The following RNF128 variants were observed in gnomAD, a reference collection of about 807,000 sequenced individuals.
RNF128 encodes the protein E3 ubiquitin-protein ligase RNF128.
In RNF128, 13 loss-of-function variants were observed where a neutral mutation model predicts 26.2. The observed-to-expected ratio is 0.50, with a 90% CI of 0.32 to 0.79. The LOEUF is 0.79. RNF128 is among the 30% of genes least tolerant of loss of function. The probability of loss-of-function intolerance (pLI) is 0.03; values close to 1 mark genes in which losing one functional copy is unlikely to be tolerated. For synonymous variants in RNF128, 149 were observed against 142.5 expected, an observed-to-expected ratio of 1.05 and a Z score of -0.32; for missense variants, 315 against 349.7, an observed-to-expected ratio of 0.90 and a Z score of 0.79.
chrX:106,764,247 G>T (rs1273823944), intron 1 of RNF128, among the ~76,000 whole-genome samples: 1 of 109,613 alleles, frequency 9.1e-6, no homozygotes, highest in Non-Finnish European at 1.9e-5. Context: ...TTACAGGCGT[G>T]AGCCACCACG....
At chrX:106,748,271 C>T (rs1157671554) in intron 1 of RNF128, among the ~76,000 whole-genome samples, 1 of 112,045 alleles carries the variant, frequency 8.9e-6, no homozygotes, top group Non-Finnish European at 1.9e-5. Context: ...GAGAAAAAAA[C>T]ATAATTTTAC....
At chrX:106,735,101 A>G (rs1244842694) in intron 1 of RNF128, among the ~76,000 whole-genome samples, 1 of 111,554 alleles carries the variant, frequency 9.0e-6, no homozygotes, top group Non-Finnish European at 1.9e-5. Context: ...GCACCATAGC[A>G]CGTAGTTACT....
At chrX:106,696,545 G>C (rs1928876287) in intron 1 of RNF128, among the ~76,000 whole-genome samples, 1 of 110,895 alleles carries the variant, frequency 9.0e-6, no homozygotes, top group Admixed American at 9.7e-5. Context: ...CAGAGGATGG[G>C]GGAAATCCTC....
chrX:106,762,277 C>G (rs1051778018), intron 1 of RNF128, among the ~76,000 whole-genome samples: 20 of 110,567 alleles, frequency 1.8e-4, no homozygotes, highest in African/African-American at 6.6e-4. Context: ...CCTGTACCCT[C>G]CCCAGCCCCT....
chrX:106,711,952 A>C (rs184445231), intron 1 of RNF128, among the ~76,000 whole-genome samples: 1 of 112,413 alleles, frequency 8.9e-6, no homozygotes, highest in African/African-American at 3.2e-5. Flanking sequence ...CAGAATGAAT[A>C]AGATCAGTAA....
chrX:106,757,756 AC>A (rs1407115688), intron 1 of RNF128, among the ~76,000 whole-genome samples: 3 of 111,416 alleles, frequency 2.7e-5, no homozygotes, highest in Non-Finnish European at 5.7e-5. Flanking sequence ...TTTAAAAAAA[AC>A]CCTAAAAAAT....
At chrX:106,787,735 T>C (rs188952234) in intron 3 of RNF128, among the ~76,000 whole-genome samples, 183 bp from the exon 4 acceptor site, 1 of 111,415 alleles carries the variant, frequency 9.0e-6, no homozygotes, top group East Asian at 2.8e-4. Context: ...TTTTACCTTT[T>C]TAAAGTCTGG....
intron 1 of RNF128, among the ~76,000 whole-genome samples, chrX:106,695,132 T>C (rs1184615635): frequency 9.0e-6 from 1 of 111,406 alleles, no homozygotes; most frequent in Non-Finnish European, 1.9e-5. Context: ...AAAAACAGTT[T>C]CCAAGTAAAT....
chrX:106,750,764 G>A (rs1288221334), intron 1 of RNF128, among the ~76,000 whole-genome samples: 1 of 111,370 alleles, frequency 9.0e-6, no homozygotes, highest in African/African-American at 3.3e-5. Context: ...GAGGAGAGAT[G>A]CTGCTAGAAG....
chrX:106,731,787 A>T (rs1235945293), intron 1 of RNF128, among the ~76,000 whole-genome samples: 1 of 111,526 alleles, frequency 9.0e-6, no homozygotes, highest in East Asian at 2.8e-4. Flanking sequence ...CACTTTAAAC[A>T]TTCTCACATA....
intron 1 of RNF128, among the ~76,000 whole-genome samples, chrX:106,728,238 G>A (rs1012533521): frequency 1.8e-5 from 2 of 111,170 alleles, no homozygotes; most frequent in South Asian, 7.6e-4. Context: ...AAGGACAAAG[G>A]GGAAAAAAAT....
At chrX:106,792,977 T>C (rs1930853781) in intron 6 of RNF128, among the ~76,000 whole-genome samples, 1 of 112,110 alleles carries the variant, frequency 8.9e-6, no homozygotes, top group African/African-American at 3.2e-5. Flanking sequence ...CTTATGGTGA[T>C]AGTTGATTTG....
At position 106,706,246 on chromosome X, in the gene RNF128, T is replaced by C. The variant is rs555538101; in HGVS notation, c.406+11838T>C. On this transcript the variant is annotated intron_variant, in intron 1 of 6. Transcript: ENST00000324342. ...TCTCTTAGGGAGAGCAAGTTCTGGC[T>C]GACAATTGGATTTTCCAAATTGGGA... Among the ~76,000 whole-genome samples, 9 of 111,756 alleles carry C rather than the reference T, an allele frequency of 8.1e-5. No individual in the cohort carries two copies. The South Asian group carries it at 3.4e-3, about 43-fold the overall frequency.
Position 106,788,427 on chromosome X carries a change from TATATATA to T in RNF128, c.887+432_887+438del, listed in dbSNP as rs1386792513. Among the ~76,000 whole-genome samples the T allele has an allele frequency of 9.1e-5, 4 of 43,952 alleles. 1 individual carries two copies. The highest frequency in any genetic ancestry group is 0.059 in the Middle Eastern group (2 of 34). The allele number at this position is 43,952 out of a possible 115,157, so 38.2% of individuals were successfully genotyped here. A position where few individuals can be genotyped will look rare whatever the true frequency, so the allele number is the denominator to read the frequency against. On this transcript the variant is annotated intron_variant, in intron 4 of 6. Coordinates refer to ENST00000255499, the MANE Select transcript of RNF128 (RefSeq NM_194463.2). ...ATAATATATAATATATAATATATAT[TATATATA>T]ATATTATTATAATTATAATATATAT...
intron 1 of RNF128, among the ~76,000 whole-genome samples, chrX:106,748,351 G>T (rs1476363291): frequency 8.9e-6 from 1 of 112,190 alleles, no homozygotes; most frequent in African/African-American, 3.2e-5. Context: ...AACAAAATTT[G>T]CTGATAAGCA....
At chrX:106,731,656 C>A (rs1929504793) in intron 1 of RNF128, among the ~76,000 whole-genome samples, 1 of 111,044 alleles carries the variant, frequency 9.0e-6, no homozygotes. Flanking sequence ...GTCTTCCTTC[C>A]TTGCCTCTCT....
Position 106,743,301 on chromosome X carries a change from C to T in RNF128, c.484+15904C>T, listed in dbSNP as rs185532355. On this transcript the variant is annotated intron_variant, in intron 1 of 6. Transcript: ENST00000255499. ...TAAGCATAACTTCCCAATACTTAGA[C>T]TTTTCTAATGGGATCAATGGTGATA... is the stretch of plus-strand genomic sequence containing the variant. Among the ~76,000 whole-genome samples, 5 of 112,286 alleles carry T rather than the reference C, an allele frequency of 4.5e-5. No individual in the cohort carries two copies. The East Asian group carries it at 1.4e-3, about 31-fold the overall frequency.
chrX:106,768,435 T>C (rs1400540186), intron 1 of RNF128, among the ~76,000 whole-genome samples: 1 of 111,715 alleles, frequency 9.0e-6, no homozygotes, highest in Non-Finnish European at 1.9e-5. Flanking sequence ...CTTCCTGGTT[T>C]AGTCTTGGGA....
chrX:106,764,472 G>A (rs1930180272), intron 1 of RNF128, among the ~76,000 whole-genome samples: 1 of 109,764 alleles, frequency 9.1e-6, no homozygotes, highest in South Asian at 4.2e-4. Context: ...TTTGAAACCA[G>A]CCTGGCCAAC....
Sources: allele counts gnomAD v4.1 joint callset (sites outside exome capture counted in the v4.1 genomes callset), GRCh38; gene constraint gnomAD v4.1.1; transcripts MANE v1.5; gene names NCBI Gene and HGNC (gene_info 2026-07-23, HGNC 2026-07-21).